The following UBE4B variants were observed in gnomAD, a reference collection of about 807,000 sequenced individuals.
UBE4B encodes the protein ubiquitination factor E4B.
A neutral mutation model predicts 148.1 loss-of-function variants in UBE4B; 27 were observed. The ratio of observed to expected loss-of-function variants is 0.18; its 90% confidence interval spans 0.13 to 0.25. The LOEUF (loss-of-function observed/expected upper bound fraction) is 0.25, where lower values mean the gene tolerates loss of function less well. Ranked by LOEUF, UBE4B falls within the 10% of genes least tolerant of loss-of-function variation. The pLI is 1.00. For synonymous variants in UBE4B, 596 were observed against 619.3 expected, an observed-to-expected ratio of 0.96 and a Z score of 0.56; for missense variants, 1,170 against 1,662.4, an observed-to-expected ratio of 0.70 and a Z score of 5.15.
intron 22 of UBE4B, among the ~76,000 whole-genome samples, chr1:10,160,634 C>T (rs1352982079): frequency 1.3e-5 from 2 of 152,102 alleles, no homozygotes; most frequent in Non-Finnish European, 2.9e-5. Flanking sequence ...ATGAGCTTAT[C>T]ATAAACAATT....
chr1:10,119,033 C>G (rs1235543791), intron 8 of UBE4B, among the ~76,000 whole-genome samples: 1 of 151,228 alleles, frequency 6.6e-6, no homozygotes, highest in Non-Finnish European at 1.5e-5. Flanking sequence ...CAGGCGTGCA[C>G]CACCATGTCT....
intron 7 of UBE4B, among the ~76,000 whole-genome samples, chr1:10,116,401 C>T (rs1395724427): frequency 2.0e-5 from 3 of 152,140 alleles, no homozygotes; most frequent in East Asian, 1.9e-4. Context: ...CCTTGGTGTA[C>T]GAAAGTGCTG....
chr1:10,119,430 C>T, intron 8 of UBE4B, 83 bp from the exon 9 acceptor site: 1 of 1,355,504 alleles, frequency 7.4e-7, no homozygotes, highest in Non-Finnish European at 1.0e-6. Flanking sequence ...ACTGATGGTC[C>T]ATCCCTTTTA....
intron 23 of UBE4B, among the ~76,000 whole-genome samples, chr1:10,162,146 C>T (rs1646173577): frequency 2.0e-5 from 3 of 151,732 alleles, no homozygotes; most frequent in Non-Finnish European, 4.4e-5. Context: ...TTACAGGCGC[C>T]TGCCACCACA....
chr1:10,115,866 T>C (rs976260842), intron 7 of UBE4B, among the ~76,000 whole-genome samples: 1 of 152,164 alleles, frequency 6.6e-6, no homozygotes, highest in Non-Finnish European at 1.5e-5. Context: ...CCAATTATGG[T>C]GAGTATTTGT....
chr1:10,132,010 A>G (rs903344241), intron 14 of UBE4B, among the ~76,000 whole-genome samples: 5 of 151,968 alleles, frequency 3.3e-5, no homozygotes, highest in East Asian at 1.9e-4. Context: ...TGTGCCTGTA[A>G]TCCCAACTAC....
chr1:10,150,791 C>T (rs1352511820), intron 20 of UBE4B, among the ~76,000 whole-genome samples: 3 of 146,726 alleles, frequency 2.0e-5, no homozygotes, highest in Non-Finnish European at 4.5e-5. Context: ...ACTTTGGAGG[C>T]GGAGGTTTCA....
At chr1:10,125,025 C>T (rs1645469773) in intron 10 of UBE4B, among the ~76,000 whole-genome samples, 1 of 152,122 alleles carries the variant, frequency 6.6e-6, no homozygotes, top group Admixed American at 6.6e-5. Flanking sequence ...ACTTGGGAGG[C>T]TGAGGCAGGA....
At chr1:10,090,113 C>CTG (rs202084653) in intron 2 of UBE4B, among the ~76,000 whole-genome samples, 16 of 139,882 alleles carry the variant, frequency 1.1e-4, no homozygotes, top group Admixed American at 2.0e-4. Context: ...ATCAGGCAGC[C>CTG]TGTGTGTGTG....
intron 1 of UBE4B, among the ~76,000 whole-genome samples, chr1:10,053,394 C>G (rs943768481): frequency 1.3e-5 from 2 of 152,028 alleles, no homozygotes; most frequent in African/African-American, 4.8e-5. Flanking sequence ...CGTGATCCAC[C>G]CGCCTCAGCC....
At chr1:10,159,940 G>C (rs1293680315) in intron 22 of UBE4B, among the ~76,000 whole-genome samples, 2 of 152,214 alleles carry the variant, frequency 1.3e-5, no homozygotes, top group Non-Finnish European at 2.9e-5. Flanking sequence ...CCCATGGCTT[G>C]GTCTGAATGG....
chr1:10,060,878 C>T (rs369223611), intron 1 of UBE4B, among the ~76,000 whole-genome samples: 37 of 151,618 alleles, frequency 2.4e-4, no homozygotes, highest in African/African-American at 8.2e-4. Context: ...TGAGTAGTTA[C>T]GACTACAGGC....
At chr1:10,171,659 A>G (rs1172667450) in intron 25 of UBE4B, among the ~76,000 whole-genome samples, 1 of 152,246 alleles carries the variant, frequency 6.6e-6, no homozygotes, top group Non-Finnish European at 1.5e-5. Flanking sequence ...AGGCGGGCAG[A>G]TCAAGAGGTC....
chr1:10,151,301 T>A (rs746424092), intron 20 of UBE4B, 25 bp from the exon 21 acceptor site: 1 of 1,608,074 alleles, frequency 6.2e-7, no homozygotes, highest in Non-Finnish European at 8.5e-7. Flanking sequence ...GCGGTCTCTT[T>A]CTTGCTCTTC....
Position 10,105,739 on chromosome 1 carries a change from G to C in UBE4B, c.804G>C (p.Leu268Phe). 1 of 1,613,414 alleles carries C rather than the reference G, an allele frequency of 6.2e-7. No homozygotes were observed. Among genetic ancestry groups the C allele is most frequent in the Non-Finnish European group, 8.5e-7 (1 of 1,180,024 alleles). The change falls in exon 6 of 28, where the codon TTG becomes TTC. Residue 268 changes from leucine to phenylalanine, a missense_variant. Transcript: ENST00000343090. ...CSVASFGASSLSSLYESSPAP... is the reference protein window; with the variant it reads ...CSVASFGASSFSSLYESSPAP... ...TGGCTTCCTTTGGTGCCAGCTCTTT[G>C]TCTAGGTCAGTGTGGTTCTCTTTGC...
chr1:10,046,969 T>C (rs1463793306), intron 1 of UBE4B, among the ~76,000 whole-genome samples: 1 of 152,240 alleles, frequency 6.6e-6, no homozygotes, highest in African/African-American at 2.4e-5. Flanking sequence ...CCAAATTTTG[T>C]ATTGTTCGAC....
chr1:10,155,084 A>AGT (rs144718535), intron 21 of UBE4B, among the ~76,000 whole-genome samples: 11,867 of 146,132 alleles, frequency 0.081, 494 homozygotes, highest in African/African-American at 0.13. Flanking sequence ...AGAGAGAGAG[A>AGT]GTGTGTGTGT....
At chr1:10,041,336 T>TC (rs1378702700) in intron 1 of UBE4B, among the ~76,000 whole-genome samples, 33 of 120,834 alleles carry the variant, frequency 2.7e-4, no homozygotes, top group Non-Finnish European at 5.4e-4. Context: ...TTTGGCATTC[T>TC]TTTTTTTTTT....
chr1:10,095,665 C>T, intron 3 of UBE4B, 69 bp downstream of exon 3: 3 of 1,590,528 alleles, frequency 1.9e-6, no homozygotes, highest in Admixed American at 1.7e-5. Flanking sequence ...TCACTTTAGC[C>T]TCTAGTCCAT....
Sources: allele counts gnomAD v4.1 joint callset (sites outside exome capture counted in the v4.1 genomes callset), GRCh38; gene constraint gnomAD v4.1.1; transcripts MANE v1.5; gene names NCBI Gene and HGNC (gene_info 2026-07-23, HGNC 2026-07-21).